The following AK8 variants were observed in gnomAD, a reference collection of about 807,000 sequenced individuals.
AK8 encodes adenylate kinase 8.
Under a neutral mutation model 54.6 loss-of-function variants are expected in AK8, and 44 were observed. That is an observed-to-expected ratio of 0.81 (90% CI 0.63 to 1.04). AK8 has a LOEUF of 1.04. Among genes scored for constraint, AK8 ranks in the 50% least tolerant of loss-of-function variants. The probability of loss-of-function intolerance (pLI) is 0.00; values close to 1 mark genes in which losing one functional copy is unlikely to be tolerated. For synonymous variants in AK8, 239 were observed against 245.6 expected (o/e 0.97, Z 0.25); for missense variants, 555 against 613.6 (o/e 0.90, Z 1.01).
intron 9 of AK8, among the ~76,000 whole-genome samples, chr9:132,820,664 C>T (rs555839663): frequency 1.3e-5 from 2 of 152,298 alleles, no homozygotes; most frequent in South Asian, 4.1e-4. Flanking sequence ...AAGTCGTGTC[C>T]GTATATACTC....
Position 132,831,901 on chromosome 9 carries a change from G to T in AK8, c.403-3175C>A, listed in dbSNP as rs138061817. ...GAGACCCCCCCACTCTACCGAAAAA[G>T]ATTTTTAAAAATTAGCCAGGCGCGT... On this transcript the variant is annotated intron_variant, in intron 5 of 12. Coordinates refer to ENST00000298545, the MANE Select transcript of AK8 (RefSeq NM_152572.3). 4.3e-4 allele frequency among the ~76,000 whole-genome samples: 65 copies of T among 151,524 alleles called. 1 individual carries two copies. In the East Asian group the frequency reaches 0.012, roughly 28 times the overall value.
intron 12 of AK8, among the ~76,000 whole-genome samples, chr9:132,726,376 G>A (rs980550584): frequency 3.3e-5 from 5 of 151,326 alleles, no homozygotes; most frequent in South Asian, 4.2e-4. Flanking sequence ...GTGCAGTGGC[G>A]CGATCTTCGC....
At chr9:132,746,469 A>G (rs1837658587) in intron 11 of AK8, among the ~76,000 whole-genome samples, 1 of 152,246 alleles carries the variant, frequency 6.6e-6, no homozygotes, top group Non-Finnish European at 1.5e-5. Flanking sequence ...CAGGGATGGC[A>G]ACAGGTGAGG....
In AK8 at chr9:132,878,124, G is replaced by T; in HGVS notation, c.84+48C>A. 1.3e-6 allele frequency: 2 copies of T among 1,535,716 alleles called. No individual in the cohort carries two copies. Among genetic ancestry groups the T allele is most frequent in the East Asian group, 2.4e-5 (1 of 42,274 alleles). On this transcript the variant is annotated intron_variant, in intron 1 of 12. Transcript: ENST00000298545. The surrounding 1 kb of genome is among the most constrained non-coding windows in gnomAD (Gnocchi z 4.7). ...CCGCGCACCCGACGTCGCAGTGGAG[G>T]CTCCCGAGCCGCCGCCAGCGTCGCG...
chr9:132,735,438 T>C (rs569958208), intron 11 of AK8, among the ~76,000 whole-genome samples: 2 of 152,340 alleles, frequency 1.3e-5, no homozygotes, highest in African/African-American at 4.8e-5. Flanking sequence ...CCTGACTGTG[T>C]TGGCTTCTTG....
intron 5 of AK8, among the ~76,000 whole-genome samples, chr9:132,833,413 G>C (rs1842186435): frequency 6.6e-6 from 1 of 152,148 alleles, no homozygotes; most frequent in Admixed American, 6.5e-5. Flanking sequence ...GAGGTTCGCG[G>C]GTCTCACGTC....
At chr9:132,743,091 G>A (rs73659467) in intron 11 of AK8, among the ~76,000 whole-genome samples, 4,321 of 152,320 alleles carry the variant, frequency 0.028, 195 homozygotes, top group African/African-American at 0.097. Context: ...TTAGCTCCCC[G>A]GGGCTGTGCT....
intron 4 of AK8, among the ~76,000 whole-genome samples, chr9:132,856,713 AC>A (rs768541491): frequency 6.6e-6 from 1 of 152,146 alleles, no homozygotes; most frequent in Non-Finnish European, 1.5e-5. Flanking sequence ...CCTGCTTTCC[AC>A]CAGCTCAGAA....
At chr9:132,874,996 G>T in intron 2 of AK8, 119 bp downstream of exon 2, 1 of 1,308,558 alleles carries the variant, frequency 7.6e-7, no homozygotes. Context: ...GCTATTCTCG[G>T]GATGGGGCAG....
rs112920355 is a variant in AK8 at position 132,779,876 on chromosome 9, C to G, written c.1121+12758G>C. Among the ~76,000 whole-genome samples, 968 of 152,342 alleles carry G rather than the reference C, an allele frequency of 6.4e-3. 15 individuals carry two copies. Among genetic ancestry groups the G allele is most frequent in the African/African-American group, 0.022 (913 of 41,570 alleles). The stretch of plus-strand genomic sequence containing the variant: ...GGCCCCTTCCATGGATCTTACCTGG[C>G]TATGTGGCCTGGAGCAAGGACATGG... On this transcript the variant is annotated intron_variant, in intron 11 of 12. Transcript: ENST00000298545.
chr9:132,780,644 A>G (rs977086204), intron 11 of AK8, among the ~76,000 whole-genome samples: 7 of 152,342 alleles, frequency 4.6e-5, no homozygotes, highest in Non-Finnish European at 7.4e-5. Context: ...TCCTCAAAGG[A>G]ACCTATATAG....
intron 10 of AK8, among the ~76,000 whole-genome samples, chr9:132,810,041 C>T (rs553574418): frequency 7.9e-5 from 12 of 152,218 alleles, no homozygotes; most frequent in African/African-American, 2.4e-4. Flanking sequence ...GCGAGCTGAG[C>T]GCTTTGGTTT....
At position 132,801,219 on chromosome 9, in the gene AK8, C is replaced by T. The variant is rs79907455; in HGVS notation, c.980-8444G>A. On this transcript the variant is annotated intron_variant, in intron 10 of 12. Transcript: ENST00000298545. ...CTGGGATTATAGGCATGAGCCACCA[C>T]GCCTGGCCAGTTTGTCCCTTTCAAA... 3.2e-4 allele frequency among the ~76,000 whole-genome samples: 49 copies of T among 152,288 alleles called. 1 individual carries two copies. The East Asian group carries it at 4.2e-3, about 13-fold the overall frequency.
rs372065708 is a variant in AK8, at chr9:132,828,741, C to T, written c.403-15G>A. 10 of 1,589,478 alleles carry T rather than the reference C, an allele frequency of 6.3e-6. No individual in the cohort carries two copies. The highest frequency in any genetic ancestry group is 3.4e-5 in the Admixed American group (2 of 58,530). The stretch of plus-strand genomic sequence containing the variant: ...AGAATCCAGCCCTAGACAGAAGATT[C>T]AGAGAGGTGCTCATCTGTTTTGAGT... On this transcript the variant is annotated splice_polypyrimidine_tract_variant and intron_variant, in intron 5 of 12. Coordinates refer to ENST00000298545, the MANE Select transcript of AK8 (RefSeq NM_152572.3).
intron 5 of AK8, among the ~76,000 whole-genome samples, chr9:132,832,016 C>T (rs1328961554): frequency 8.0e-6 from 1 of 125,142 alleles, no homozygotes; most frequent in Non-Finnish European, 1.6e-5. Flanking sequence ...GAGCTACGAT[C>T]GTGCTATTGC....
intron 5 of AK8, among the ~76,000 whole-genome samples, chr9:132,849,823 T>G (rs1304499207): frequency 6.6e-6 from 1 of 151,864 alleles, no homozygotes; most frequent in East Asian, 1.9e-4. Context: ...GTCGGCTCAC[T>G]GCAACCTCCT....
intron 11 of AK8, among the ~76,000 whole-genome samples, chr9:132,785,143 C>T (rs1230983375): frequency 1.3e-5 from 2 of 148,332 alleles, no homozygotes; most frequent in South Asian, 2.1e-4. Flanking sequence ...CTTGCTCTGT[C>T]GCCCAGGCTG....
chr9:132,779,806 AG>A (rs1839382810), intron 11 of AK8, among the ~76,000 whole-genome samples: 1 of 152,242 alleles, frequency 6.6e-6, no homozygotes, highest in East Asian at 1.9e-4. Context: ...CATTGCATAA[AG>A]GATAGAATTT....
intron 11 of AK8, among the ~76,000 whole-genome samples, chr9:132,775,222 T>C (rs943322732): frequency 1.3e-5 from 2 of 152,134 alleles, no homozygotes; most frequent in Non-Finnish European, 2.9e-5. Context: ...AGAAAGCTCT[T>C]AGGAAAAAAT....
Sources: gnomAD v4.1 joint callset for allele counts (sites outside exome capture counted in the v4.1 genomes callset) on GRCh38, gnomAD v4.1.1 for gene constraint, Gnocchi (gnomAD v3.1) non-coding constraint, MANE v1.5 for transcripts, NCBI Gene and HGNC (gene_info 2026-07-23, HGNC 2026-07-21) for gene names.